Variants in CYREN observed in about 807,000 individuals in gnomAD.
The protein encoded by CYREN is cell cycle regulator of non-homologous end joining.
A neutral mutation model predicts 9.7 loss-of-function variants in CYREN; 7 were observed. The observed-to-expected ratio is 0.72, with a 90% CI of 0.41 to 1.36. The LOEUF is 1.36. Among genes scored for constraint, CYREN ranks in the 40% most tolerant of loss-of-function variants. CYREN has a pLI of 0.01. For missense variants in CYREN, 215 were observed against 198.1 expected (o/e 1.09, Z -0.51); for synonymous variants, 76 against 77.9 (o/e 0.98, Z 0.13).
intron 2 of CYREN, among the ~76,000 whole-genome samples, chr7:135,121,234 G>A (rs1417055548): frequency 1.3e-5 from 2 of 151,992 alleles, no homozygotes; most frequent in African/African-American, 2.4e-5. Context: ...ACACAGAACT[G>A]CAAAATATGT....
chr7:135,121,586 A>G (rs1298247652), intron 2 of CYREN, among the ~76,000 whole-genome samples: 1 of 152,176 alleles, frequency 6.6e-6, no homozygotes, highest in Non-Finnish European at 1.5e-5. Context: ...TTTGGAAACT[A>G]AATAACACAC....
At chr7:135,121,142 T>C (rs1485886992) in intron 2 of CYREN, among the ~76,000 whole-genome samples, 2 of 151,508 alleles carry the variant, frequency 1.3e-5, no homozygotes, top group African/African-American at 4.9e-5. Flanking sequence ...GAGGTGGAGG[T>C]TGCGGTGAGC....
At chr7:135,103,022 A>G (rs986317792) in intron 2 of CYREN, among the ~76,000 whole-genome samples, 1 of 152,210 alleles carries the variant, frequency 6.6e-6, no homozygotes, top group African/African-American at 2.4e-5. Flanking sequence ...CAACCAATAA[A>G]GGCCTTGTTT....
rs529576955 is a variant in CYREN at position 135,151,587 on chromosome 7, C to T, written n.356+17162G>A. ...GTCTACCTGACTCTCCGTCAATTCC[C>T]GTTTCTCCCACTGAGCTATTGCTTC... On this transcript the variant is annotated intron_variant and non_coding_transcript_variant, in intron 2 of 2. Transcript: ENST00000459937. The surrounding 1 kb of genome is among the most constrained non-coding windows in gnomAD (Gnocchi z 4.3). Among the ~76,000 whole-genome samples the T allele has an allele frequency of 1.3e-5, 2 of 152,314 alleles. No individual in the cohort carries two copies. Among genetic ancestry groups the T allele is most frequent in the East Asian group, 1.9e-4 (1 of 5,190 alleles).
intron 2 of CYREN, among the ~76,000 whole-genome samples, chr7:135,157,328 G>A (rs933977571): frequency 5.3e-5 from 8 of 152,120 alleles, no homozygotes; most frequent in Non-Finnish European, 1.0e-4. Context: ...TGACTTCTTC[G>A]GCATAGGGTC....
chr7:135,098,886 A>G (rs1368948330), intron 2 of CYREN, among the ~76,000 whole-genome samples: 1 of 152,206 alleles, frequency 6.6e-6, no homozygotes, highest in East Asian at 1.9e-4. Flanking sequence ...TACAATAATA[A>G]TATGACATAT....
At chr7:135,165,410 C>G (rs925526238), downstream of CYREN, 1 of 182,766 alleles carries the variant, frequency 5.5e-6, no homozygotes, top group Admixed American at 5.6e-5. Flanking sequence ...CGGCAACAAA[C>G]GAGGACATTA....
chr7:135,172,340 C>T (rs982451449), upstream of CYREN, among the ~76,000 whole-genome samples: 1 of 152,100 alleles, frequency 6.6e-6, no homozygotes, highest in African/African-American at 2.4e-5. Context: ...TTTGACTTGG[C>T]TTGAATTTTT....
chr7:135,155,725 T>G (rs924531768), intron 2 of CYREN, among the ~76,000 whole-genome samples: 4 of 152,130 alleles, frequency 2.6e-5, no homozygotes, highest in African/African-American at 9.7e-5. Context: ...GTGGCACATG[T>G]CTGTATTTCT....
At chr7:135,163,719 T>A (rs996014100), downstream of CYREN, among the ~76,000 whole-genome samples, 19 of 152,216 alleles carry the variant, frequency 1.2e-4, 1 homozygote, top group African/African-American at 4.6e-4. Flanking sequence ...AAATATGTAT[T>A]AGTTTTTAAA....
At chr7:135,146,178 C>T (rs1257868078) in intron 2 of CYREN, among the ~76,000 whole-genome samples, 2 of 152,016 alleles carry the variant, frequency 1.3e-5, no homozygotes, top group African/African-American at 4.8e-5. Context: ...AATAGGGAGA[C>T]CTAACGTGAG....
chr7:135,110,008 A>G (rs1825381851), intron 2 of CYREN, among the ~76,000 whole-genome samples: 1 of 152,196 alleles, frequency 6.6e-6, no homozygotes, highest in South Asian at 2.1e-4. Context: ...GACCCATGTG[A>G]AAAAGTAGTC....
At chr7:135,166,975 A>G (rs1830198499) in intron 3 of CYREN, 104 bp from the exon 4 acceptor site, 4 of 1,531,020 alleles carry the variant, frequency 2.6e-6, no homozygotes, top group Non-Finnish European at 3.5e-6. Context: ...TACAAAGCCA[A>G]TGTGACCAGG....
chr7:135,099,106 T>C (rs1823365971), intron 2 of CYREN, among the ~76,000 whole-genome samples: 2 of 152,202 alleles, frequency 1.3e-5, no homozygotes, highest in Non-Finnish European at 2.9e-5. Context: ...ACACTTTTCA[T>C]ATTTCATTTT....
At chr7:135,115,933 G>A (rs1826252788) in intron 2 of CYREN, 1 of 184,308 alleles carries the variant, frequency 5.4e-6, no homozygotes, top group Non-Finnish European at 1.1e-5. Context: ...TAATCCTATG[G>A]GGTAACCAGA....
At chr7:135,142,747 G>A (rs1468240863) in intron 2 of CYREN, among the ~76,000 whole-genome samples, 8 of 151,818 alleles carry the variant, frequency 5.3e-5, no homozygotes, top group African/African-American at 9.7e-5. Flanking sequence ...AAATAAAAAC[G>A]AAATACTTAA....
intron 2 of CYREN, among the ~76,000 whole-genome samples, chr7:135,113,453 G>A (rs1825910275): frequency 6.6e-6 from 1 of 151,968 alleles, no homozygotes; most frequent in African/African-American, 2.4e-5. Flanking sequence ...ACAGTTTAGT[G>A]TATATCACTA....
At chr7:135,139,278 C>A (rs939387624) in intron 2 of CYREN, among the ~76,000 whole-genome samples, 14 of 151,950 alleles carry the variant, frequency 9.2e-5, no homozygotes, top group African/African-American at 2.9e-4. Flanking sequence ...AATAGCCATT[C>A]TGACTGTTGT....
rs541835146 is a variant in CYREN at position 135,169,031 on chromosome 7, T to C, written c.-109A>G. ...GTCACACCCGGAATTACAGGTCCAT[T>C]TGTCCTCAGTGGGAGTTGATCTTTG... On this transcript the variant is annotated 5_prime_UTR_variant, in exon 2 of 4. Coordinates refer to ENST00000393114, the MANE Select transcript of CYREN (RefSeq NM_024033.4). 1 of 1,043,966 alleles carries C rather than the reference T, an allele frequency of 9.6e-7. No homozygotes were observed. Among genetic ancestry groups the C allele is most frequent in the Non-Finnish European group, 1.4e-6 (1 of 732,294 alleles). The allele number at this position is 1,043,966 out of a possible 1,614,324, so 64.7% of individuals were successfully genotyped here.
Sources: gnomAD v4.1 joint callset for allele counts (sites outside exome capture counted in the v4.1 genomes callset) on GRCh38, gnomAD v4.1.1 for gene constraint, Gnocchi (gnomAD v3.1) non-coding constraint, MANE v1.5 for transcripts, NCBI Gene and HGNC (gene_info 2026-07-23, HGNC 2026-07-21) for gene names.